CCDC192: variants seen among roughly 807,000 people sequenced by gnomAD.
CCDC192 encodes coiled-coil domain containing 192.
chr5:127,785,276 G>A, intron 3 of CCDC192: 2 of 497,908 alleles, frequency 4.0e-6, no homozygotes, highest in South Asian at 3.1e-5. Context: ...AACCCTAGGG[G>A]AAGGCAAACA....
intron 5 of CCDC192, among the ~76,000 whole-genome samples, chr5:127,813,325 A>G (rs1355074329): frequency 1.3e-5 from 2 of 152,198 alleles, no homozygotes; most frequent in Admixed American, 1.3e-4. Flanking sequence ...AAAAACTCAG[A>G]ATTTTTGAAA....
chr5:127,763,860 C>G (rs1755065777), intron 3 of CCDC192, among the ~76,000 whole-genome samples: 1 of 152,202 alleles, frequency 6.6e-6, no homozygotes, highest in African/African-American at 2.4e-5. Context: ...TATCGCCTTA[C>G]TCATTATCCA....
chr5:127,871,774 T>A (rs1006634891), intron 5 of CCDC192, among the ~76,000 whole-genome samples: 2 of 152,202 alleles, frequency 1.3e-5, no homozygotes, highest in Admixed American at 6.5e-5. Flanking sequence ...CATTCAGCAA[T>A]ATGATACGAA....
intron 1 of CCDC192, among the ~76,000 whole-genome samples, chr5:127,705,288 A>C (rs940406907): frequency 3.3e-5 from 5 of 152,194 alleles, no homozygotes; most frequent in Non-Finnish European, 7.3e-5. Context: ...ATTGTCAGGC[A>C]GCCAAAGCTC....
intron 6 of CCDC192, among the ~76,000 whole-genome samples, chr5:127,919,015 G>T (rs186244327): frequency 6.9e-6 from 1 of 145,778 alleles, no homozygotes; most frequent in Non-Finnish European, 1.6e-5. Flanking sequence ...ATGTATATAT[G>T]TGTGTGTATG....
At chr5:127,710,306 T>C (rs575946807) in intron 2 of CCDC192, among the ~76,000 whole-genome samples, 1 of 152,246 alleles carries the variant, frequency 6.6e-6, no homozygotes, top group African/African-American at 2.4e-5. Context: ...CTGTGAACCA[T>C]GAGGAACCGA....
chr5:127,737,104 T>C (rs7711246), intron 2 of CCDC192, among the ~76,000 whole-genome samples: 41 of 151,182 alleles, frequency 2.7e-4, no homozygotes, highest in African/African-American at 9.1e-4. Context: ...GCTTTGAATG[T>C]GTCCCAGAGA....
In CCDC192 at chr5:127,821,623, A is replaced by T. The variant is rs556845452; in HGVS notation, c.411+23461A>T. On this transcript the variant is annotated intron_variant, in intron 5 of 6. Coordinates refer to ENST00000514853, the MANE Select transcript of CCDC192 (RefSeq NM_001317938.2). ...AGAGTTTGCCCAGGCATCCTGCAGG[A>T]AGTCTTAAAGCCCAGCTCAGAACCT... Among the ~76,000 whole-genome samples, 10 of 152,316 alleles carry T rather than the reference A, an allele frequency of 6.6e-5. No homozygotes were observed. In the South Asian group the frequency reaches 1.0e-3, roughly 16 times the overall value.
intron 5 of CCDC192, among the ~76,000 whole-genome samples, chr5:127,813,962 A>G (rs1344649456): frequency 2.0e-5 from 3 of 152,240 alleles, no homozygotes; most frequent in Non-Finnish European, 2.9e-5. Flanking sequence ...ATAGTTATTA[A>G]TTATTCATTC....
intron 6 of CCDC192, among the ~76,000 whole-genome samples, chr5:127,876,733 G>A (rs540260853): frequency 5.9e-5 from 9 of 152,298 alleles, no homozygotes; most frequent in African/African-American, 2.2e-4. Flanking sequence ...AGAATCAAAT[G>A]GAGGAGGAGG....
intron 6 of CCDC192, among the ~76,000 whole-genome samples, chr5:127,938,500 T>C (rs1265482726): frequency 6.6e-6 from 1 of 152,144 alleles, no homozygotes; most frequent in African/African-American, 2.4e-5. Flanking sequence ...TGGAAGGAAA[T>C]GCTAGCCCAG....
intron 3 of CCDC192, among the ~76,000 whole-genome samples, chr5:127,762,939 G>C (rs1755012091): frequency 6.6e-6 from 1 of 152,176 alleles, no homozygotes; most frequent in Non-Finnish European, 1.5e-5. Context: ...TAGGCATTCT[G>C]TTTGGTACTT....
chr5:127,788,390 C>A (rs941691307), intron 3 of CCDC192, among the ~76,000 whole-genome samples: 2 of 152,090 alleles, frequency 1.3e-5, no homozygotes, highest in South Asian at 4.1e-4. Context: ...CATTCTTTTA[C>A]TTCCAACCTA....
At chr5:127,915,589 G>A (rs1424727635) in intron 6 of CCDC192, among the ~76,000 whole-genome samples, 1 of 152,162 alleles carries the variant, frequency 6.6e-6, no homozygotes, top group African/African-American at 2.4e-5. Flanking sequence ...CACCATGTTG[G>A]CCAGGATGGT....
At chr5:127,713,900 T>A (rs1751474655) in intron 2 of CCDC192, among the ~76,000 whole-genome samples, 1 of 152,224 alleles carries the variant, frequency 6.6e-6, no homozygotes, top group African/African-American at 2.4e-5. Flanking sequence ...ATACGTATTA[T>A]TGTTAACTGT....
intron 6 of CCDC192, among the ~76,000 whole-genome samples, chr5:127,902,447 C>CA (rs1753063085): frequency 6.6e-6 from 1 of 151,122 alleles, no homozygotes; most frequent in Non-Finnish European, 1.5e-5. Context: ...AACAAAAAAC[C>CA]AAAAAAACTT....
At chr5:127,773,758 A>G (rs952912409) in intron 3 of CCDC192, among the ~76,000 whole-genome samples, 8 of 152,072 alleles carry the variant, frequency 5.3e-5, no homozygotes, top group African/African-American at 1.7e-4. Flanking sequence ...GTAAGTGTTC[A>G]TTTCTTTTTG....
chr5:127,898,742 C>T (rs1402544306), intron 6 of CCDC192, among the ~76,000 whole-genome samples: 1 of 152,014 alleles, frequency 6.6e-6, no homozygotes. Context: ...TAAGCAGTGT[C>T]CTTCAGTGAA....
intron 2 of CCDC192, chr5:127,739,965 T>A (rs1405425551): frequency 6.5e-6 from 1 of 153,500 alleles, no homozygotes; most frequent in Non-Finnish European, 1.4e-5. Flanking sequence ...ATCTCCACAT[T>A]GAAGTTTCAT....
Sources: gnomAD v4.1 joint callset for allele counts (sites outside exome capture counted in the v4.1 genomes callset) on GRCh38, gnomAD v4.1.1 for gene constraint, MANE v1.5 for transcripts, NCBI Gene and HGNC (gene_info 2026-07-23, HGNC 2026-07-21) for gene names.